Variants in ALCAM observed in about 807,000 individuals in gnomAD.
The protein encoded by ALCAM is CD166 antigen.
A neutral mutation model predicts 70.9 loss-of-function variants in ALCAM; 30 were observed. That is an observed-to-expected ratio of 0.42 (90% CI 0.32 to 0.57). ALCAM has a LOEUF of 0.57. Ranked by LOEUF, ALCAM falls within the 20% of genes least tolerant of loss-of-function variation. The pLI is 0.11. For missense variants in ALCAM, 591 were observed against 695.1 expected (o/e 0.85, Z 1.68); for synonymous variants, 249 against 242.5 (o/e 1.03, Z -0.25).
rs550762809 is a variant in ALCAM at position 105,419,723 on chromosome 3, T to C, written c.73+52242T>C. ...TCCCAAAGGAGTCTTATTTTTCCAATTGAAGTAGCTGCTGCTTATCTGAAA... is the reference window on the plus strand; with the variant it reads ...TCCCAAAGGAGTCTTATTTTTCCAACTGAAGTAGCTGCTGCTTATCTGAAA... On this transcript the variant is annotated intron_variant, in intron 1 of 15. Coordinates refer to ENST00000306107, the MANE Select transcript of ALCAM (RefSeq NM_001627.4). Among the ~76,000 whole-genome samples, 6 of 151,896 alleles carry C rather than the reference T, an allele frequency of 4.0e-5. No individual in the cohort carries two copies. The Admixed American group carries it at 4.0e-4, about 10-fold the overall frequency.
chr3:105,428,984 T>C (rs1936862056), intron 1 of ALCAM, among the ~76,000 whole-genome samples: 1 of 151,976 alleles, frequency 6.6e-6, no homozygotes, highest in Non-Finnish European at 1.5e-5. Context: ...CTTGATATTC[T>C]TTTTTACAGG....
intron 1 of ALCAM, among the ~76,000 whole-genome samples, chr3:105,482,300 T>C (rs151127108): frequency 1.3e-3 from 205 of 152,158 alleles, no homozygotes; most frequent in Non-Finnish European, 2.1e-3. Context: ...TTTGTAGATA[T>C]AGTGTTTCAC....
At chr3:105,397,725 A>G (rs1935990033) in intron 1 of ALCAM, among the ~76,000 whole-genome samples, 2 of 152,076 alleles carry the variant, frequency 1.3e-5, no homozygotes, top group East Asian at 1.9e-4. Flanking sequence ...TTGTTTTCCA[A>G]ATATAATTTG....
At chr3:105,552,013 T>C in intron 12 of ALCAM, 131 bp from the exon 13 acceptor site, 1 of 564,876 alleles carries the variant, frequency 1.8e-6, no homozygotes, top group African/African-American at 2.0e-5. Flanking sequence ...GTGATTTTTT[T>C]TTTTTTACTG....
intron 1 of ALCAM, among the ~76,000 whole-genome samples, chr3:105,407,661 A>C (rs1193973731): frequency 6.6e-6 from 1 of 152,210 alleles, no homozygotes; most frequent in Non-Finnish European, 1.5e-5. Flanking sequence ...AACTGGAACA[A>C]GATAAGGATG....
chr3:105,553,900 C>T (rs1299159987), intron 14 of ALCAM, among the ~76,000 whole-genome samples: 2 of 151,872 alleles, frequency 1.3e-5, no homozygotes, highest in African/African-American at 4.8e-5. Flanking sequence ...CTTTCTCTCA[C>T]TTGCTTTATT....
intron 1 of ALCAM, among the ~76,000 whole-genome samples, chr3:105,389,222 A>G (rs1189187139): frequency 4.6e-5 from 7 of 151,506 alleles, no homozygotes; most frequent in Non-Finnish European, 7.4e-5. Context: ...TTATCCCACT[A>G]CAATTTTCTT....
Position 105,516,778 on chromosome 3 carries a change from A to G in ALCAM, c.74-3289A>G, listed in dbSNP as rs551894442. Among the ~76,000 whole-genome samples, 4 of 152,236 alleles carry G rather than the reference A, an allele frequency of 2.6e-5. No homozygotes were observed. The East Asian group carries it at 7.7e-4, about 29-fold the overall frequency. On this transcript the variant is annotated intron_variant, in intron 1 of 15. Coordinates refer to ENST00000306107, the MANE Select transcript of ALCAM (RefSeq NM_001627.4). ...GCTTATACACACAGCCATAACACAT[A>G]CAGAACACACTTATACATTCCCACA...
chr3:105,384,741 T>C (rs1343018135), intron 1 of ALCAM, among the ~76,000 whole-genome samples: 1 of 151,574 alleles, frequency 6.6e-6, no homozygotes, highest in Non-Finnish European at 1.5e-5. Flanking sequence ...GAATGGCTAA[T>C]ATATTTGTAT....
At chr3:105,492,805 GAAAGA>G (rs1436529168) in intron 1 of ALCAM, among the ~76,000 whole-genome samples, 3 of 151,970 alleles carry the variant, frequency 2.0e-5, no homozygotes, top group African/African-American at 4.8e-5. Flanking sequence ...CAAAAAAGGG[GAAAGA>G]AAAGAAAAAG....
chr3:105,475,161 C>G (rs2152605028), intron 1 of ALCAM, among the ~76,000 whole-genome samples: 1 of 151,954 alleles, frequency 6.6e-6, no homozygotes, highest in Middle Eastern at 3.4e-3. Flanking sequence ...CTTACATTGT[C>G]AATAGGCTAA....
intron 15 of ALCAM, 84 bp from the exon 16 acceptor site, chr3:105,574,393 A>C (rs1350383468): frequency 6.6e-6 from 1 of 152,194 alleles, no homozygotes; most frequent in Non-Finnish European, 1.5e-5. Context: ...TAATTTACTA[A>C]ATTACTTTTA....
chr3:105,449,996 A>G (rs535171527), intron 1 of ALCAM, among the ~76,000 whole-genome samples: 1 of 152,322 alleles, frequency 6.6e-6, no homozygotes, highest in South Asian at 2.1e-4. Flanking sequence ...TTACTAACAA[A>G]GGAAGCACAA....
At chr3:105,498,555 T>C (rs1451310524) in intron 1 of ALCAM, among the ~76,000 whole-genome samples, 2 of 152,090 alleles carry the variant, frequency 1.3e-5, no homozygotes. Flanking sequence ...TATAATATAA[T>C]TTTACCTGCC....
In ALCAM at chr3:105,545,129, A is replaced by T. The variant is rs1576233564; in HGVS notation, c.992-94A>T. On this transcript the variant is annotated intron_variant, in intron 8 of 15. Transcript: ENST00000306107. ...TTCTGAATGTTCAAATGCAGTTAGA[A>T]GAAATTTATTTTCTTTCATCTTTTC... 23 of 841,494 alleles carry T rather than the reference A, an allele frequency of 2.7e-5. No homozygotes were observed. In the East Asian group the frequency reaches 5.8e-4, roughly 21 times the overall value. 52.1% of individuals were successfully genotyped at this position (841,494 alleles called of 1,614,324 possible).
intron 6 of ALCAM, among the ~76,000 whole-genome samples, chr3:105,537,674 G>A (rs2152628284): frequency 6.6e-6 from 1 of 152,192 alleles, no homozygotes; most frequent in South Asian, 2.1e-4. Context: ...CAGCTCCAGG[G>A]TCAGTTCCTC....
chr3:105,524,778 T>C (rs1304004543), intron 3 of ALCAM: 3 of 1,175,590 alleles, frequency 2.6e-6, no homozygotes, highest in East Asian at 4.0e-5. Context: ...GAAGTACTAC[T>C]ACTGATAACT....
At chr3:105,442,508 G>A (rs979105620) in intron 1 of ALCAM, among the ~76,000 whole-genome samples, 2 of 152,242 alleles carry the variant, frequency 1.3e-5, no homozygotes, top group Admixed American at 6.5e-5. Context: ...TCGGCCAGGC[G>A]CGGTGGCTCA....
chr3:105,475,740 A>C (rs964461102), intron 1 of ALCAM, among the ~76,000 whole-genome samples: 5 of 151,918 alleles, frequency 3.3e-5, no homozygotes, highest in African/African-American at 1.2e-4. Context: ...CTGGTAGCTC[A>C]TATCTGTCAT....
Sources: allele counts gnomAD v4.1 joint callset (sites outside exome capture counted in the v4.1 genomes callset), GRCh38; gene constraint gnomAD v4.1.1; transcripts MANE v1.5; gene names NCBI Gene and HGNC (gene_info 2026-07-23, HGNC 2026-07-21).